Variants in ADGRV1 observed in about 807,000 individuals in gnomAD.
ADGRV1 encodes the protein G-protein coupled receptor 98.
ADGRV1 carries 359 observed loss-of-function variants against 596.2 expected under a neutral mutation model. The ratio of observed to expected loss-of-function variants is 0.60; its 90% CI spans 0.55 to 0.66. ADGRV1 has a LOEUF of 0.66. Ranked by LOEUF, ADGRV1 falls within the 30% of genes least tolerant of loss-of-function variation. The pLI is 0.00. For synonymous variants in ADGRV1, 2,681 were observed against 2,679.2 expected, an observed-to-expected ratio of 1.00 and a Z score of -0.02; for missense variants, 7,274 against 7,575.6, an observed-to-expected ratio of 0.96 and a Z score of 1.48.
Position 90,748,794 on chromosome 5 carries a change from C to T in ADGRV1, c.10975-1757C>T, listed in dbSNP as rs181336969. Among the ~76,000 whole-genome samples the T allele has an allele frequency of 2.9e-3, 427 of 148,846 alleles. 2 individuals carry two copies. Among genetic ancestry groups the T allele is most frequent in the African/African-American group, 9.7e-3 (389 of 40,052 alleles). ...GTTTCTTCATGACACTTATAATTGC[C>T]TAGTTTGTCTATCATCAAGTTTTTT... On this transcript the variant is annotated intron_variant, in intron 52 of 89. Transcript: ENST00000405460.
At chr5:90,784,411 A>G (rs961752371) in intron 67 of ADGRV1, among the ~76,000 whole-genome samples, 3 of 152,196 alleles carry the variant, frequency 2.0e-5, no homozygotes, top group African/African-American at 7.2e-5. Flanking sequence ...CAGAGTTTTC[A>G]TTTTATTAAG....
At chr5:90,832,050 T>G (rs1412518317) in intron 77 of ADGRV1, among the ~76,000 whole-genome samples, 1 of 152,210 alleles carries the variant, frequency 6.6e-6, no homozygotes, top group Non-Finnish European at 1.5e-5. Flanking sequence ...AGAGTGCAGG[T>G]ATCTCTTTGA....
chr5:91,093,693 G>A (rs1055948735), intron 86 of ADGRV1, among the ~76,000 whole-genome samples: 2 of 152,136 alleles, frequency 1.3e-5, no homozygotes, highest in Admixed American at 6.5e-5. Context: ...AGCATTCACT[G>A]GGAAGTAGGC....
intron 20 of ADGRV1, chr5:90,655,066 T>C (rs1159724675): frequency 6.6e-6 from 1 of 152,202 alleles, no homozygotes; most frequent in Non-Finnish European, 1.5e-5. Flanking sequence ...ATTATAAAAA[T>C]ATAAAAGTAT....
chr5:90,605,982 C>T (rs1054223082), intron 1 of ADGRV1, among the ~76,000 whole-genome samples: 1 of 151,922 alleles, frequency 6.6e-6, no homozygotes, highest in Admixed American at 6.6e-5. Context: ...AAATTTTTCC[C>T]AATTTACATG....
chr5:91,110,720 G>A lies in ADGRV1; in HGVS notation c.18432+8380G>A, dbSNP rs554707768. ...GGAGATGCTAGAAAATACGTTTGTGGAGAAGGTTCATATGCATAGAAGCTT... is the reference window on the plus strand; with the variant it reads ...GGAGATGCTAGAAAATACGTTTGTGAAGAAGGTTCATATGCATAGAAGCTT... On this transcript the variant is annotated intron_variant, in intron 87 of 89. Coordinates refer to ENST00000405460, the MANE Select transcript of ADGRV1 (RefSeq NM_032119.4). 4.5e-4 allele frequency among the ~76,000 whole-genome samples: 69 copies of A among 152,266 alleles called. 1 individual carries two copies. The highest frequency in any genetic ancestry group is 1.5e-3 in the African/African-American group (64 of 41,564).
intron 70 of ADGRV1, among the ~76,000 whole-genome samples, chr5:90,794,133 A>G (rs909260985): frequency 1.3e-5 from 2 of 152,166 alleles, no homozygotes; most frequent in African/African-American, 4.8e-5. Context: ...AAAAGTTGAG[A>G]CTTTGGACAG....
intron 87 of ADGRV1, among the ~76,000 whole-genome samples, chr5:91,143,414 T>G (rs547757360): frequency 4.6e-5 from 7 of 152,058 alleles, no homozygotes; most frequent in Middle Eastern, 6.8e-3. Context: ...AAGTGGGAGA[T>G]GAGAAAGGTG....
At chr5:90,757,928 G>T (rs1202390014) in intron 57 of ADGRV1, among the ~76,000 whole-genome samples, 1 of 152,110 alleles carries the variant, frequency 6.6e-6, no homozygotes, top group African/African-American at 2.4e-5. Context: ...TGCTCATGGG[G>T]GGCGGTAGTA....
chr5:90,619,430 C>T (rs1342635030), intron 4 of ADGRV1, among the ~76,000 whole-genome samples: 1 of 152,048 alleles, frequency 6.6e-6, no homozygotes. Context: ...ATTGTTCCAC[C>T]TGACTCCTTT....
chr5:90,851,773 A>C (rs1482398255), intron 79 of ADGRV1, among the ~76,000 whole-genome samples: 1 of 152,214 alleles, frequency 6.6e-6, no homozygotes, highest in East Asian at 1.9e-4. Context: ...TATGGTTATC[A>C]GCAAATAGAA....
intron 13 of ADGRV1, 124 bp from the exon 14 acceptor site, chr5:90,643,679 T>C: frequency 1.6e-6 from 1 of 642,598 alleles, no homozygotes; most frequent in Middle Eastern, 3.0e-4. Context: ...ACCTCTTTTG[T>C]CCTTTCAGTG....
At chr5:91,014,989 C>T (rs1783058405) in intron 85 of ADGRV1, among the ~76,000 whole-genome samples, 4 of 151,966 alleles carry the variant, frequency 2.6e-5, no homozygotes, top group Admixed American at 2.6e-4. Flanking sequence ...AATTTGAGAT[C>T]TATCTAACTT....
intron 1 of ADGRV1, among the ~76,000 whole-genome samples, chr5:90,598,275 G>C (rs1472886178): frequency 6.6e-6 from 1 of 152,198 alleles, no homozygotes. Context: ...ATGAATGAAT[G>C]TTAGACACAG....
intron 50 of ADGRV1, among the ~76,000 whole-genome samples, chr5:90,743,664 G>A (rs10452488): frequency 6.6e-6 from 1 of 151,504 alleles, no homozygotes; most frequent in Non-Finnish European, 1.5e-5. Flanking sequence ...GTAGAAACAG[G>A]GTTTCACCAT....
chr5:91,094,869 A>G (rs1032109047), intron 86 of ADGRV1, among the ~76,000 whole-genome samples: 1 of 152,160 alleles, frequency 6.6e-6, no homozygotes, highest in African/African-American at 2.4e-5. Context: ...GTTGGCCCTA[A>G]TGTGCTTGGA....
At chr5:90,668,172 A>G (rs1266295669) in intron 21 of ADGRV1, among the ~76,000 whole-genome samples, 1 of 151,860 alleles carries the variant, frequency 6.6e-6, no homozygotes, top group Non-Finnish European at 1.5e-5. Context: ...TGTTTACCTA[A>G]GCAAGCCTGG....
At chr5:91,060,039 A>T (rs936079616) in intron 85 of ADGRV1, among the ~76,000 whole-genome samples, 6 of 152,192 alleles carry the variant, frequency 3.9e-5, no homozygotes, top group Admixed American at 1.3e-4. Flanking sequence ...AAAAATTAGG[A>T]TACCAGGATT....
At chr5:90,801,607 C>A (rs1206702914) in intron 70 of ADGRV1, among the ~76,000 whole-genome samples, 1 of 151,782 alleles carries the variant, frequency 6.6e-6, no homozygotes, top group African/African-American at 2.4e-5. Flanking sequence ...CACCTGTTAC[C>A]CTCATGTTGC....
Sources: gnomAD v4.1 joint callset for allele counts (sites outside exome capture counted in the v4.1 genomes callset) on GRCh38, gnomAD v4.1.1 for gene constraint, MANE v1.5 for transcripts, NCBI Gene and HGNC (gene_info 2026-07-23, HGNC 2026-07-21) for gene names.